RIMKLB: variants seen among roughly 807,000 people sequenced by gnomAD.
The protein encoded by RIMKLB is beta-citrylglutamate synthase B.
Under a neutral mutation model 32.0 loss-of-function variants are expected in RIMKLB, and 7 were observed. The ratio of observed to expected loss-of-function variants is 0.22; its 90% CI spans 0.12 to 0.41. RIMKLB has a LOEUF of 0.41. Ranked by LOEUF, RIMKLB falls within the 10% of genes least tolerant of loss-of-function variation. RIMKLB has a pLI of 1.00. For synonymous variants in RIMKLB, 172 were observed against 185.1 expected (o/e 0.93, Z 0.57); for missense variants, 289 against 498.7 (o/e 0.58, Z 4.00).
At chr12:8,766,636 C>T (rs1414372321) in intron 5 of RIMKLB, among the ~76,000 whole-genome samples, 1 of 152,210 alleles carries the variant, frequency 6.6e-6, no homozygotes, top group East Asian at 1.9e-4. Context: ...AAGATTCTCC[C>T]TATCAATTGC....
intron 2 of RIMKLB, among the ~76,000 whole-genome samples, chr12:8,715,611 C>G (rs12312128): frequency 1.3e-5 from 2 of 152,078 alleles, no homozygotes; most frequent in Non-Finnish European, 2.9e-5. Flanking sequence ...TCAGTATATA[C>G]TGCCTGGGTC....
intron 2 of RIMKLB, among the ~76,000 whole-genome samples, chr12:8,735,739 T>G (rs868425328): frequency 2.8e-5 from 4 of 142,284 alleles, no homozygotes; most frequent in African/African-American, 1.2e-4. Flanking sequence ...GTCTGTCTGT[T>G]TGTTTTTTAA....
intron 2 of RIMKLB, among the ~76,000 whole-genome samples, chr12:8,733,740 G>A (rs757383878): frequency 5.3e-5 from 8 of 152,206 alleles, no homozygotes; most frequent in African/African-American, 7.2e-5. Context: ...GAAATTAGCC[G>A]GACGTGATGG....
intron 1 of RIMKLB, among the ~76,000 whole-genome samples, chr12:8,707,450 C>G (rs1410239584): frequency 6.6e-6 from 1 of 152,190 alleles, no homozygotes; most frequent in African/African-American, 2.4e-5. Context: ...TTTGCCCTTC[C>G]TGGGTGCGTC....
chr12:8,744,409 A>G (rs1354445402), intron 2 of RIMKLB, among the ~76,000 whole-genome samples: 1 of 151,856 alleles, frequency 6.6e-6, no homozygotes, highest in African/African-American at 2.4e-5. Context: ...AGAGTGGAAC[A>G]GTTTTTTGCT....
chr12:8,669,403 G>A, the RIMKLB span, among the ~76,000 whole-genome samples: 1 of 151,744 alleles, frequency 6.6e-6, no homozygotes, highest in Non-Finnish European at 1.5e-5. Flanking sequence ...AGATTTGGAG[G>A]GGCCAAACCA....
chr12:8,774,975 AGAGTTTTT>A lies in RIMKLB; in HGVS notation c.*1194_*1201del, dbSNP rs1950645937. On this transcript the variant is annotated 3_prime_UTR_variant, in exon 6 of 6. Coordinates refer to ENST00000535829, the MANE Select transcript of RIMKLB (RefSeq NM_001297776.2). The stretch of plus-strand genomic sequence containing the variant: ...TAGAAAATGGAGCATGATGGGAAAC[AGAGTTTTT>A]GACTTTAAAAAACAGATGAGTTGTT... The A allele has an allele frequency of 1.0e-6, 1 of 982,274 alleles. No homozygotes were observed. The highest frequency in any genetic ancestry group is 1.8e-5 in the African/African-American group (1 of 54,228). 60.8% of individuals were successfully genotyped at this position (982,274 alleles called of 1,614,324 possible).
intron 2 of RIMKLB, among the ~76,000 whole-genome samples, chr12:8,739,933 G>T (rs1237318613): frequency 1.3e-5 from 2 of 151,996 alleles, no homozygotes; most frequent in Non-Finnish European, 2.9e-5. Flanking sequence ...TCCCAGACAG[G>T]GTCTCGCTCT....
At chr12:8,714,162 T>C (rs895083356) in intron 2 of RIMKLB, 121 bp downstream of exon 2, 5 of 713,618 alleles carry the variant, frequency 7.0e-6, no homozygotes, top group Admixed American at 2.8e-5. Context: ...ATCTTCTAAT[T>C]ATAAGGTCTA....
chr12:8,702,961 T>G (rs781439705), intron 1 of RIMKLB, among the ~76,000 whole-genome samples: 1 of 152,188 alleles, frequency 6.6e-6, no homozygotes, highest in Non-Finnish European at 1.5e-5. Context: ...AATAATTTGA[T>G]GTAAGTTTCT....
Position 8,774,408 on chromosome 12 carries a change from G to A in RIMKLB, c.*624G>A, listed in dbSNP as rs560675935. 1.0e-6 allele frequency: 1 copy of A among 985,420 alleles called. No homozygotes were observed. Among genetic ancestry groups the A allele is most frequent in the Non-Finnish European group, 1.2e-6 (1 of 829,816 alleles). 61.0% of individuals were successfully genotyped at this position (985,420 alleles called of 1,614,324 possible). ...ATAAAGGCTTCTTAATGACAAAATT[G>A]GCATGTTTGCATGATGAAATGGAAA... On this transcript the variant is annotated 3_prime_UTR_variant, in exon 6 of 6. Transcript: ENST00000535829.
intron 2 of RIMKLB, among the ~76,000 whole-genome samples, chr12:8,732,756 T>TACACAC (rs775849283): frequency 1.3e-4 from 19 of 150,048 alleles, no homozygotes; most frequent in African/African-American, 4.7e-4. Context: ...TATATATATA[T>TACACAC]ACACACACAC....
At chr12:8,741,071 G>A (rs182867366) in intron 2 of RIMKLB, among the ~76,000 whole-genome samples, 117 of 152,296 alleles carry the variant, frequency 7.7e-4, no homozygotes, top group Non-Finnish European at 1.6e-3. Flanking sequence ...GCTGGGTGTG[G>A]TAGTGTGTGC....
chr12:8,709,891 G>A (rs1199301635), intron 1 of RIMKLB, among the ~76,000 whole-genome samples: 2 of 152,206 alleles, frequency 1.3e-5, no homozygotes, highest in East Asian at 3.8e-4. Flanking sequence ...ACTATCTGCA[G>A]TTTCAGGCAT....
chr12:8,711,212 TG>T (rs1236569600), intron 1 of RIMKLB, among the ~76,000 whole-genome samples: 1 of 151,168 alleles, frequency 6.6e-6, no homozygotes, highest in Non-Finnish European at 1.5e-5. Flanking sequence ...CCAGCCTGGG[TG>T]GCAGAGCAAG....
chr12:8,687,051 T>A (rs2136551142), intron 1 of RIMKLB, among the ~76,000 whole-genome samples: 1 of 152,338 alleles, frequency 6.6e-6, no homozygotes, highest in East Asian at 1.9e-4. Flanking sequence ...GATGATCTCA[T>A]TAAATGCAGG....
At chr12:8,703,940 G>GA (rs1203430922) in intron 1 of RIMKLB, among the ~76,000 whole-genome samples, 7 of 152,036 alleles carry the variant, frequency 4.6e-5, no homozygotes, top group Non-Finnish European at 4.4e-5. Context: ...TTTCTTTGTA[G>GA]AAAAAAAGCA....
intron 5 of RIMKLB, among the ~76,000 whole-genome samples, chr12:8,767,422 T>C (rs771556874): frequency 2.0e-5 from 3 of 151,658 alleles, no homozygotes; most frequent in Admixed American, 6.6e-5. Context: ...AGAGCTTCCT[T>C]AGATCCCTTT....
intron 2 of RIMKLB, among the ~76,000 whole-genome samples, chr12:8,728,100 CTT>C (rs1439224992): frequency 3.3e-5 from 5 of 152,236 alleles, no homozygotes; most frequent in Admixed American, 3.3e-4. Flanking sequence ...CTAGTTCTTT[CTT>C]ACAATTCCCA....
Sources: allele counts gnomAD v4.1 joint callset (sites outside exome capture counted in the v4.1 genomes callset), GRCh38; gene constraint gnomAD v4.1.1; transcripts MANE v1.5; gene names NCBI Gene and HGNC (gene_info 2026-07-23, HGNC 2026-07-21).